The following GRM1 variants were observed in gnomAD, a reference collection of about 807,000 sequenced individuals.
GRM1 encodes glutamate metabotropic receptor 1, also known as metabotropic glutamate receptor 1.
GRM1 carries 33 observed loss-of-function variants against 90.9 expected under a neutral mutation model. That is an observed-to-expected ratio of 0.36 (90% CI 0.28 to 0.49). GRM1 has a LOEUF of 0.49. Among genes scored for constraint, GRM1 ranks in the 20% least tolerant of loss-of-function variants. GRM1 has a pLI of 0.99. For missense variants in GRM1, 1,190 were observed against 1,534.3 expected (o/e 0.78, Z 3.75); for synonymous variants, 700 against 613.2 (o/e 1.14, Z -2.09).
intron 1 of GRM1, among the ~76,000 whole-genome samples, chr6:146,066,239 A>G (rs1349837458): frequency 1.3e-5 from 2 of 152,080 alleles, no homozygotes; most frequent in African/African-American, 4.8e-5. Context: ...TCTCTCTTGT[A>G]TTCCCCAGTG....
chr6:146,281,359 C>T (rs969745957), intron 2 of GRM1, among the ~76,000 whole-genome samples: 2 of 152,146 alleles, frequency 1.3e-5, no homozygotes, highest in African/African-American at 4.8e-5. Flanking sequence ...AGCATTCTAA[C>T]CCTTAGTAAG....
At chr6:146,414,713 A>G (rs1379322947) in intron 7 of GRM1, among the ~76,000 whole-genome samples, 1 of 152,132 alleles carries the variant, frequency 6.6e-6, no homozygotes, top group East Asian at 1.9e-4. Context: ...GCCTTTTATT[A>G]TTAATCGTAT....
intron 1 of GRM1, among the ~76,000 whole-genome samples, chr6:146,066,964 C>G (rs1200237925): frequency 6.6e-6 from 1 of 152,170 alleles, no homozygotes; most frequent in African/African-American, 2.4e-5. Context: ...CAGTTCTTAA[C>G]TTTTCTAAGC....
At chr6:146,232,397 T>C (rs1217748591) in intron 2 of GRM1, among the ~76,000 whole-genome samples, 1 of 152,080 alleles carries the variant, frequency 6.6e-6, no homozygotes, top group African/African-American at 2.4e-5. Flanking sequence ...TTTTTAACTT[T>C]TGTGGGTACA....
intron 2 of GRM1, among the ~76,000 whole-genome samples, chr6:146,250,434 T>G (rs1781229950): frequency 6.6e-6 from 1 of 152,172 alleles, no homozygotes; most frequent in African/African-American, 2.4e-5. Flanking sequence ...TCTCATAAGA[T>G]CTGGTTGTTT....
At chr6:146,028,464 C>G (rs767553676), upstream of GRM1, among the ~76,000 whole-genome samples, 2 of 151,904 alleles carry the variant, frequency 1.3e-5, no homozygotes, top group Admixed American at 6.6e-5. Context: ...AGCTCCCCTC[C>G]GTTCCCTTTC....
intron 5 of GRM1, among the ~76,000 whole-genome samples, chr6:146,366,592 A>T (rs1336385996): frequency 1.3e-5 from 2 of 152,156 alleles, no homozygotes; most frequent in Non-Finnish European, 2.9e-5. Context: ...AAGAACATGC[A>T]ACATATTTCT....
intron 2 of GRM1, among the ~76,000 whole-genome samples, chr6:146,298,449 A>C (rs1408960080): frequency 1.3e-5 from 2 of 152,180 alleles, no homozygotes; most frequent in Non-Finnish European, 2.9e-5. Context: ...GGACCTAGTG[A>C]AGCCAAAGTC....
rs1276514618 is a variant in GRM1, at chr6:146,297,128, T to C, written c.951-7483T>C. ...TTCTGTATTCAGGAGAATATCTGCA[T>C]TAACTTAGTTGACTACATTGTGAAA... On this transcript the variant is annotated intron_variant, in intron 2 of 7. Transcript: ENST00000282753. 1.3e-5 allele frequency among the ~76,000 whole-genome samples: 2 copies of C among 152,204 alleles called. 1 individual carries two copies. The highest frequency in any genetic ancestry group is 4.1e-4 in the South Asian group (2 of 4,836).
At chr6:146,295,557 A>T (rs1278569431) in intron 2 of GRM1, among the ~76,000 whole-genome samples, 1 of 152,072 alleles carries the variant, frequency 6.6e-6, no homozygotes, top group Non-Finnish European at 1.5e-5. Context: ...ACTATTCCAT[A>T]TCACTATGTT....
chr6:146,272,473 C>A (rs926667441), intron 2 of GRM1, among the ~76,000 whole-genome samples: 1 of 152,098 alleles, frequency 6.6e-6, no homozygotes, highest in Non-Finnish European at 1.5e-5. Context: ...TTTATAGTGC[C>A]TAGAATAGTA....
At chr6:146,195,386 C>T (rs1779080443) in intron 2 of GRM1, among the ~76,000 whole-genome samples, 1 of 152,188 alleles carries the variant, frequency 6.6e-6, no homozygotes, top group Non-Finnish European at 1.5e-5. Flanking sequence ...TCACCTATCT[C>T]TTCACCTCCT....
At chr6:146,071,235 T>C (rs952703565) in intron 1 of GRM1, among the ~76,000 whole-genome samples, 1 of 152,194 alleles carries the variant, frequency 6.6e-6, no homozygotes. Flanking sequence ...AGATACTTTC[T>C]GTTAGGCAGC....
chr6:146,270,686 C>A (rs1782083362), intron 2 of GRM1, among the ~76,000 whole-genome samples: 1 of 152,126 alleles, frequency 6.6e-6, no homozygotes, highest in Non-Finnish European at 1.5e-5. Context: ...AAAAAATTAA[C>A]TGCCCTAAAC....
intron 2 of GRM1, among the ~76,000 whole-genome samples, chr6:146,225,184 T>C (rs9497493): frequency 0.11 from 16,887 of 152,154 alleles, 1,846 homozygotes; most frequent in African/African-American, 0.28. Flanking sequence ...AGTCATCATG[T>C]GTGGGAGTGC....
chr6:146,083,569 C>G (rs1336846304), intron 1 of GRM1, among the ~76,000 whole-genome samples: 3 of 152,278 alleles, frequency 2.0e-5, no homozygotes, highest in Non-Finnish European at 2.9e-5. Context: ...AGCCTTGCAT[C>G]CTAGGGATGA....
At chr6:146,126,566 C>T (rs1776206585) in intron 1 of GRM1, among the ~76,000 whole-genome samples, 2 of 152,028 alleles carry the variant, frequency 1.3e-5, no homozygotes, top group Admixed American at 6.6e-5. Flanking sequence ...CATTTTAAAT[C>T]GATCTATTAC....
chr6:146,144,055 A>G (rs1776998195), intron 1 of GRM1, among the ~76,000 whole-genome samples: 1 of 152,232 alleles, frequency 6.6e-6, no homozygotes, highest in African/African-American at 2.4e-5. Flanking sequence ...CTTAAACCAT[A>G]GAAATTTATT....
chr6:146,031,950 C>A lies in GRM1; in HGVS notation c.700+1733C>A, dbSNP rs181281898. ...ATTATTAATATTGGAAGTATAAATTCTTTCTTCAGGAAGAAGTAATGCTTC... is the reference window on the plus strand; with the variant it reads ...ATTATTAATATTGGAAGTATAAATTATTTCTTCAGGAAGAAGTAATGCTTC... On this transcript the variant is annotated intron_variant, in intron 1 of 7. Coordinates refer to ENST00000282753, the MANE Select transcript of GRM1 (RefSeq NM_001278064.2). Among the ~76,000 whole-genome samples, 12 of 152,210 alleles carry A rather than the reference C, an allele frequency of 7.9e-5. No individual in the cohort carries two copies. In the East Asian group the frequency reaches 2.1e-3, roughly 27 times the overall value.
Sources: allele counts gnomAD v4.1 joint callset (sites outside exome capture counted in the v4.1 genomes callset), GRCh38; gene constraint gnomAD v4.1.1; transcripts MANE v1.5; gene names NCBI Gene and HGNC (gene_info 2026-07-23, HGNC 2026-07-21).